ACAP2: variants seen among roughly 807,000 people sequenced by gnomAD.
ACAP2 encodes ArfGAP with coiled-coil, ankyrin repeat and PH domains 2.
A neutral mutation model predicts 115.8 loss-of-function variants in ACAP2; 39 were observed. That is an observed-to-expected ratio of 0.34 (90% CI 0.26 to 0.44). The LOEUF (loss-of-function observed/expected upper bound fraction) is 0.44, where lower values mean the gene tolerates loss of function less well. Among genes scored for constraint, ACAP2 ranks in the 20% least tolerant of loss-of-function variants. ACAP2 has a pLI of 1.00. For synonymous variants in ACAP2, 289 were observed against 315.8 expected (o/e 0.92, Z 0.90); for missense variants, 662 against 927.6 (o/e 0.71, Z 3.72).
At chr3:195,377,178 T>G (rs944563958) in intron 4 of ACAP2, among the ~76,000 whole-genome samples, 34 of 122,492 alleles carry the variant, frequency 2.8e-4, no homozygotes, top group Non-Finnish European at 5.0e-4. Context: ...AAGGTCTCAC[T>G]GTGTCACTCA....
Position 195,301,574 on chromosome 3 carries a change from C to T in ACAP2, c.1395+1G>A. 6.2e-7 allele frequency: 1 copy of T among 1,603,292 alleles called. No individual in the cohort carries two copies. Among genetic ancestry groups the T allele is most frequent in the Non-Finnish European group, 8.5e-7 (1 of 1,176,306 alleles). On this transcript the variant is annotated splice_donor_variant, in intron 15 of 22. Transcript: ENST00000326793. LOFTEE classifies it high-confidence loss of function. ...TATTTTAAAGCAAAAATTTTTTTTACCTTTAAAAGTTCTGGCTCCCAGGTG... is the reference window on the plus strand; with the variant it reads ...TATTTTAAAGCAAAAATTTTTTTTATCTTTAAAAGTTCTGGCTCCCAGGTG...
chr3:195,281,238 T>C (rs1009455217), intron 22 of ACAP2, among the ~76,000 whole-genome samples: 7 of 152,050 alleles, frequency 4.6e-5, no homozygotes, highest in African/African-American at 1.4e-4. Flanking sequence ...ACCCCGTCTC[T>C]ATTAAAAATA....
chr3:195,301,864 T>C, intron 14 of ACAP2, 102 bp downstream of exon 14: 1 of 1,360,630 alleles, frequency 7.3e-7, no homozygotes, highest in South Asian at 1.3e-5. Context: ...AAACTGGTGA[T>C]TAAATTAGGG....
chr3:195,356,972 C>G (rs1212218598), intron 4 of ACAP2, among the ~76,000 whole-genome samples: 1 of 151,820 alleles, frequency 6.6e-6, no homozygotes, highest in East Asian at 2.0e-4. Context: ...GGGATTTTGT[C>G]TTGCAGATTA....
intron 1 of ACAP2, among the ~76,000 whole-genome samples, chr3:195,435,183 C>CT (rs560835377): frequency 2.4e-4 from 36 of 147,370 alleles, no homozygotes; most frequent in South Asian, 6.4e-4. Flanking sequence ...TTTGAGATCT[C>CT]TTTTTTTTTT....
At chr3:195,403,628 C>A (rs561859967) in intron 1 of ACAP2, among the ~76,000 whole-genome samples, 3 of 152,176 alleles carry the variant, frequency 2.0e-5, no homozygotes, top group Non-Finnish European at 4.4e-5. Context: ...CATATGCATG[C>A]GTACACCAGG....
chr3:195,357,495 C>G (rs189088186), intron 4 of ACAP2, among the ~76,000 whole-genome samples: 28 of 152,152 alleles, frequency 1.8e-4, no homozygotes, highest in Admixed American at 1.4e-3. Flanking sequence ...AGCTTGCAGC[C>G]AGGTAATAGT....
At chr3:195,364,012 A>G (rs1188419030) in intron 4 of ACAP2, among the ~76,000 whole-genome samples, 1 of 152,170 alleles carries the variant, frequency 6.6e-6, no homozygotes, top group Non-Finnish European at 1.5e-5. Flanking sequence ...CTAAAAGAAA[A>G]CATTGGGGAA....
chr3:195,415,740 A>G (rs1713667418), intron 1 of ACAP2, among the ~76,000 whole-genome samples: 1 of 152,188 alleles, frequency 6.6e-6, no homozygotes, highest in Admixed American at 6.5e-5. Context: ...AAATTTTTGT[A>G]TGTGCAAAAG....
chr3:195,368,256 T>C (rs1305255805), intron 4 of ACAP2, among the ~76,000 whole-genome samples: 1 of 152,148 alleles, frequency 6.6e-6, no homozygotes, highest in Non-Finnish European at 1.5e-5. Context: ...TTCAAGCGAT[T>C]CTTCTGCCTC....
intron 2 of ACAP2, among the ~76,000 whole-genome samples, chr3:195,389,831 C>T (rs1734537678): frequency 6.6e-6 from 1 of 152,216 alleles, no homozygotes; most frequent in African/African-American, 2.4e-5. Context: ...AGAACCTTTC[C>T]CAGTGGCAGG....
rs113749677 is a variant in ACAP2, at chr3:195,375,816, TAGAC to T, written c.285+5189_285+5192del. Among the ~76,000 whole-genome samples, 505 of 152,168 alleles carry T rather than the reference TAGAC, an allele frequency of 3.3e-3. 4 individuals carry two copies. The highest frequency in any genetic ancestry group is 0.012 in the African/African-American group (480 of 41,514). ...GAGCAAGACCCTGTCTCAAAAATGATAGACAGACAACAAAAAGAGTCATACATGT... is the reference window on the plus strand; with the variant it reads ...GAGCAAGACCCTGTCTCAAAAATGATAGACAACAAAAAGAGTCATACATGT... On this transcript the variant is annotated intron_variant, in intron 4 of 22. Transcript: ENST00000326793.
chr3:195,356,136 C>T (rs771461846), intron 4 of ACAP2: 56 of 456,736 alleles, frequency 1.2e-4, no homozygotes, highest in South Asian at 8.7e-4. Context: ...CCCCAGCCCT[C>T]CCCCATGCGC....
intron 4 of ACAP2, among the ~76,000 whole-genome samples, chr3:195,360,984 CAAA>C (rs34043043): frequency 0.3 from 29,392 of 97,986 alleles, 3,822 homozygotes; most frequent in East Asian, 0.69. Flanking sequence ...GTAAGAAACT[CAAA>C]AAAAAAAAAA....
chr3:195,367,639 G>C (rs565136510), intron 4 of ACAP2, among the ~76,000 whole-genome samples: 1 of 152,326 alleles, frequency 6.6e-6, no homozygotes, highest in Non-Finnish European at 1.5e-5. Context: ...ATGCAGAAGT[G>C]ATGCGATGTG....
chr3:195,372,432 C>T (rs191817260), intron 4 of ACAP2, among the ~76,000 whole-genome samples: 5 of 152,188 alleles, frequency 3.3e-5, no homozygotes, highest in African/African-American at 1.2e-4. Flanking sequence ...CAGTGACTCA[C>T]GCCTCCGACC....
intron 4 of ACAP2, among the ~76,000 whole-genome samples, chr3:195,357,059 C>CACT (rs1413262838): frequency 6.6e-6 from 1 of 151,936 alleles, no homozygotes; most frequent in East Asian, 1.9e-4. Context: ...CACTGGACGG[C>CACT]ACCTCTGGAA....
intron 2 of ACAP2, among the ~76,000 whole-genome samples, chr3:195,385,868 G>A (rs1229043473): frequency 6.6e-6 from 1 of 152,188 alleles, no homozygotes; most frequent in Non-Finnish European, 1.5e-5. Context: ...GAATTCTGCA[G>A]AGTAGCTATT....
At chr3:195,392,028 A>C (rs773831466) in intron 2 of ACAP2, 62 bp downstream of exon 2, 1 of 1,341,500 alleles carries the variant, frequency 7.5e-7, no homozygotes, top group Non-Finnish European at 1.1e-6. Flanking sequence ...TACTGTAGGT[A>C]CTAATCATTA....
Sources: allele counts gnomAD v4.1 joint callset (sites outside exome capture counted in the v4.1 genomes callset), GRCh38; gene constraint gnomAD v4.1.1; transcripts MANE v1.5; gene names NCBI Gene and HGNC (gene_info 2026-07-23, HGNC 2026-07-21).